IP6K3: variants seen among roughly 807,000 people sequenced by gnomAD.
IP6K3 encodes inositol hexakisphosphate kinase 3, also known as ATP:1D-myo-inositol-hexakisphosphate phosphotransferase.
In IP6K3, 20 loss-of-function variants were observed where a neutral mutation model predicts 28.8. The observed-to-expected ratio is 0.70, with a 90% CI of 0.49 to 1.01. The LOEUF (loss-of-function observed/expected upper bound fraction) is 1.01. Ranked by LOEUF, IP6K3 falls within the 50% of genes least tolerant of loss-of-function variation. IP6K3 has a pLI of 0.00. For synonymous variants in IP6K3, 213 were observed against 221.3 expected (o/e 0.96, Z 0.33); for missense variants, 480 against 537.1 (o/e 0.89, Z 1.05).
chr6:33,760,369 A>G, the IP6K3 span, among the ~76,000 whole-genome samples: 1 of 152,100 alleles, frequency 6.6e-6, no homozygotes, highest in Non-Finnish European at 1.5e-5. Context: ...AGGTTTGCAT[A>G]TATAGTTTCT....
At position 33,725,464 on chromosome 6, in the gene IP6K3, C is replaced by T. The variant is rs755301351; in HGVS notation, c.742G>A (p.Gly248Ser). The change falls in exon 5 of 6, where the codon GGT (glycine) becomes AGT (serine). Residue 248 changes from glycine (G) to serine (S), a missense_variant. Coordinates refer to ENST00000293756, the MANE Select transcript of IP6K3 (RefSeq NM_054111.5). Reference sequence around the variant, plus strand: ...ACCTGCATGCCGCAGATGCGCACACCCAGGCAGGCTGAGGTGCTCTGCGCA... The same window carrying T: ...ACCTGCATGCCGCAGATGCGCACACTCAGGCAGGCTGAGGTGCTCTGCGCA... ...KCAQSTSACL[G>S]VRICGMQVYQ... The T allele has an allele frequency of 1.9e-6, 3 of 1,612,126 alleles. No homozygotes were observed. The highest frequency in any genetic ancestry group is 2.5e-6 in the Non-Finnish European group (3 of 1,179,886).
chr6:33,734,014 C>T (rs1050758332), intron 2 of IP6K3, among the ~76,000 whole-genome samples: 4 of 152,128 alleles, frequency 2.6e-5, no homozygotes, highest in African/African-American at 7.2e-5. Flanking sequence ...ACCAGCCTGA[C>T]CACCATGGAG....
rs941345588 is a variant in IP6K3 at position 33,725,245 on chromosome 6, A to G, written c.765+196T>C. ...CTCCGTCTCAAAAAAAAAAAAAAAA[A>G]ATAGAAAAAAGAAAATTTCCAGTGT... On this transcript the variant is annotated intron_variant, in intron 5 of 5. Transcript: ENST00000293756. Among the ~76,000 whole-genome samples the G allele has an allele frequency of 7.3e-4, 110 of 151,086 alleles. 1 individual carries two copies. Among genetic ancestry groups the G allele is most frequent in the Admixed American group, 3.8e-3 (58 of 15,182 alleles).
intron 2 of IP6K3, among the ~76,000 whole-genome samples, chr6:33,732,355 A>G (rs35698850): frequency 0.13 from 20,420 of 152,286 alleles, 1,836 homozygotes; most frequent in Middle Eastern, 0.22. Context: ...CACTTCAGAA[A>G]TGGCCCCTCT....
intron 4 of IP6K3, among the ~76,000 whole-genome samples, chr6:33,725,955 C>G (rs1467123966): frequency 6.6e-6 from 1 of 152,186 alleles, no homozygotes; most frequent in Non-Finnish European, 1.5e-5. Context: ...AATCATAAGG[C>G]TAAAACCTTC....
At chr6:33,759,389 G>T in the IP6K3 span, among the ~76,000 whole-genome samples, 5 of 152,098 alleles carry the variant, frequency 3.3e-5, no homozygotes, top group Non-Finnish European at 7.4e-5. Flanking sequence ...CTACAGGCAC[G>T]CACCACTACA....
Position 33,735,596 on chromosome 6 carries a change from G to A in IP6K3, c.-120C>T. 6.7e-7 allele frequency: 1 copy of A among 1,493,036 alleles called. No individual in the cohort carries two copies. Among genetic ancestry groups the A allele is most frequent in the East Asian group, 2.5e-5 (1 of 40,622 alleles). The allele number at this position is 1,493,036 out of a possible 1,614,324, so 92.5% of individuals were successfully genotyped here. ...AGCGGTCCTCAACTTTCTCCTTCTT[G>A]GCCTTTATTGCTGTCATAGCGCAGT... On this transcript the variant is annotated 5_prime_UTR_variant, in exon 2 of 6. Coordinates refer to ENST00000293756, the MANE Select transcript of IP6K3 (RefSeq NM_054111.5).
At chr6:33,732,678 C>T (rs1004932864) in intron 2 of IP6K3, among the ~76,000 whole-genome samples, 1 of 152,242 alleles carries the variant, frequency 6.6e-6, no homozygotes, top group African/African-American at 2.4e-5. Flanking sequence ...TGTGCCTCAG[C>T]TTCCTCATCT....
chr6:33,762,041 G>A, the IP6K3 span, among the ~76,000 whole-genome samples: 1 of 152,208 alleles, frequency 6.6e-6, no homozygotes, highest in Non-Finnish European at 1.5e-5. Context: ...TTGGCCACAC[G>A]AGTGACCCTT....
At chr6:33,734,460 A>G (rs909333713) in intron 2 of IP6K3, among the ~76,000 whole-genome samples, 4 of 152,162 alleles carry the variant, frequency 2.6e-5, no homozygotes, top group African/African-American at 9.7e-5. Flanking sequence ...CACCTTCACC[A>G]CCAATACTTT....
chr6:33,735,401 C>T lies in IP6K3; in HGVS notation c.76G>A (p.Gly26Arg), dbSNP rs201114812. 5.0e-5 allele frequency: 81 copies of T among 1,607,416 alleles called. No homozygotes were observed. Among genetic ancestry groups the T allele is most frequent in the East Asian group, 2.9e-4 (13 of 44,842 alleles). ...TACTTCATCACGCTCATGTGCCCCCCGACCTGGTGCAGGAAGGGCTCCAGC... is the reference window on the plus strand; with the variant it reads ...TACTTCATCACGCTCATGTGCCCCCTGACCTGGTGCAGGAAGGGCTCCAGC... The part of the protein sequence containing the change: ...VQLEPFLHQV[G>R]GHMSVMKYDE... The change falls in exon 2 of 6, where the codon GGG becomes AGG. Residue 26 changes from glycine (G) to arginine (R), a missense_variant. By Grantham distance (125) the Gly-to-Arg change is moderately radical (BLOSUM62 -2). Coordinates refer to ENST00000293756, the MANE Select transcript of IP6K3 (RefSeq NM_054111.5).
chr6:33,723,008 G>C lies in IP6K3; in HGVS notation c.945C>G (p.Ser315Arg). Residue 315 changes from serine (S) to arginine (R), a missense_variant, in exon 6 of 6, where the codon AGC becomes AGG. Coordinates refer to ENST00000293756, the MANE Select transcript of IP6K3 (RefSeq NM_054111.5). ...QLRALLSVIR[S>R]QSSYRFYSSS... ...TGGAATAGAAGCGGTATGAACTCTG[G>C]CTCCTAATGACAGAGAGGAGGGCCC... The C allele has an allele frequency of 6.2e-7, 1 of 1,614,070 alleles. No individual in the cohort carries two copies. Among genetic ancestry groups the C allele is most frequent in the Non-Finnish European group, 8.5e-7 (1 of 1,180,020 alleles).
rs1332029604 is a variant in IP6K3, at chr6:33,728,314, G to A, written c.200-14C>T. On this transcript the variant is annotated splice_polypyrimidine_tract_variant and intron_variant, in intron 2 of 5. Transcript: ENST00000293756. ...CTGTGACGGTACCTGCAAACACACAGGGAAGGGGAGGGGAGGAGCCAGTTG... is the reference window on the plus strand; with the variant it reads ...CTGTGACGGTACCTGCAAACACACAAGGAAGGGGAGGGGAGGAGCCAGTTG... 8.1e-6 allele frequency: 13 copies of A among 1,612,900 alleles called. No homozygotes were observed. In the Admixed American group the frequency reaches 1.8e-4, roughly 23 times the overall value.
chr6:33,753,104 T>G, the IP6K3 span, among the ~76,000 whole-genome samples: 2 of 151,692 alleles, frequency 1.3e-5, no homozygotes, highest in African/African-American at 4.8e-5. Flanking sequence ...TTTTGTAGAG[T>G]TGGGGGTATC....
chr6:33,731,166 C>T (rs1408758991), intron 2 of IP6K3, among the ~76,000 whole-genome samples: 2 of 152,150 alleles, frequency 1.3e-5, no homozygotes, highest in Admixed American at 6.5e-5. Context: ...TGGGGAACCC[C>T]GAGGCCTCCT....
intron 1 of IP6K3, among the ~76,000 whole-genome samples, chr6:33,737,729 G>A (rs766593739): frequency 6.6e-6 from 1 of 152,218 alleles, no homozygotes; most frequent in Non-Finnish European, 1.5e-5. Context: ...TACGTAGGAT[G>A]CGGGGTGAGC....
chr6:33,734,919 T>A (rs1201573535), intron 2 of IP6K3, among the ~76,000 whole-genome samples: 1 of 152,098 alleles, frequency 6.6e-6, no homozygotes, highest in Non-Finnish European at 1.5e-5. Flanking sequence ...GGAGGCCCCA[T>A]TTTGCCCTGT....
chr6:33,735,412 A>G lies in IP6K3; in HGVS notation c.65T>C (p.Leu22Pro). Residue 22 changes from leucine (L) to proline (P), a missense_variant, in exon 2 of 6, where the codon CTG (leucine) becomes CCG (proline). Physicochemically the swap from Leu to Pro is moderately conservative, Grantham distance 98. Transcript: ENST00000293756. ...GCTCATGTGCCCCCCGACCTGGTGC[A>G]GGAAGGGCTCCAGCTGCACGCCTGC... is the stretch of plus-strand genomic sequence containing the variant. ...MRAGVQLEPF[L>P]HQVGGHMSVM... 1 of 1,609,254 alleles carries G rather than the reference A, an allele frequency of 6.2e-7. No homozygotes were observed. Among genetic ancestry groups the G allele is most frequent in the Non-Finnish European group, 8.5e-7 (1 of 1,178,004 alleles).
chr6:33,738,592 A>T (rs1263642521), intron 1 of IP6K3, among the ~76,000 whole-genome samples: 3 of 152,226 alleles, frequency 2.0e-5, no homozygotes, highest in African/African-American at 7.2e-5. Flanking sequence ...CGTTTTACAG[A>T]TGAGAAAACG....
Sources: allele counts gnomAD v4.1 joint callset (sites outside exome capture counted in the v4.1 genomes callset), GRCh38; gene constraint gnomAD v4.1.1; transcripts MANE v1.5; gene names NCBI Gene and HGNC (gene_info 2026-07-23, HGNC 2026-07-21).